Variants in PTPRK observed in about 807,000 individuals in gnomAD.
PTPRK encodes receptor-type tyrosine-protein phosphatase kappa.
PTPRK carries 75 observed loss-of-function variants against 178.0 expected under a neutral mutation model. The ratio of observed to expected loss-of-function variants is 0.42; its 90% CI spans 0.35 to 0.51. PTPRK has a LOEUF of 0.51. Among genes scored for constraint, PTPRK ranks in the 20% least tolerant of loss-of-function variants. The pLI, the probability that PTPRK is intolerant of heterozygous loss-of-function variation, is 0.02. For missense variants in PTPRK, 1,441 were observed against 1,797.8 expected, an observed-to-expected ratio of 0.80 and a Z score of 3.59; for synonymous variants, 637 against 620.6, an observed-to-expected ratio of 1.03 and a Z score of -0.39.
chr6:128,140,582 A>T (rs776195232), intron 7 of PTPRK, among the ~76,000 whole-genome samples: 16 of 151,814 alleles, frequency 1.1e-4, no homozygotes, highest in Non-Finnish European at 1.8e-4. Flanking sequence ...TTATAGAAAA[A>T]TTTTTTTTCA....
chr6:128,351,377 T>A (rs985697226), intron 2 of PTPRK, among the ~76,000 whole-genome samples: 2 of 152,044 alleles, frequency 1.3e-5, no homozygotes, highest in African/African-American at 4.8e-5. Flanking sequence ...AGAGAGAAAA[T>A]CATCACTATA....
intron 2 of PTPRK, among the ~76,000 whole-genome samples, chr6:128,386,807 C>A (rs1478268185): frequency 1.3e-5 from 2 of 152,188 alleles, no homozygotes; most frequent in East Asian, 3.9e-4. Context: ...GTGGCTCATG[C>A]CTGTAATCCC....
chr6:128,231,248 T>C lies in PTPRK; in HGVS notation c.693+8787A>G, dbSNP rs182873582. ...AAGAAGATAATGCTGTGAATTAGAA[T>C]ATACCAATGGCCCAATGAAAAGCAG... On this transcript the variant is annotated intron_variant, in intron 5 of 29. Transcript: ENST00000368226. Among the ~76,000 whole-genome samples the C allele has an allele frequency of 5.9e-5, 9 of 152,276 alleles. No individual in the cohort carries two copies. In the East Asian group the frequency reaches 1.7e-3, roughly 29 times the overall value.
At chr6:128,208,018 G>T (rs989615493) in intron 6 of PTPRK, among the ~76,000 whole-genome samples, 37 of 151,768 alleles carry the variant, frequency 2.4e-4, no homozygotes, top group African/African-American at 8.5e-4. Context: ...TTTAATATAT[G>T]GCTTCTCTGA....
chr6:128,472,431 CT>C (rs1340862129), intron 1 of PTPRK, among the ~76,000 whole-genome samples: 1 of 130,900 alleles, frequency 7.6e-6, no homozygotes, highest in Non-Finnish European at 1.6e-5. Context: ...CCCCCCCCCC[CT>C]TTAGCTTAGG....
At chr6:128,327,297 GTA>G (rs1829709939) in intron 2 of PTPRK, among the ~76,000 whole-genome samples, 1 of 152,020 alleles carries the variant, frequency 6.6e-6, no homozygotes, top group African/African-American at 2.4e-5. Context: ...CTTTATATAT[GTA>G]TGTGTTGGTA....
intron 6 of PTPRK, among the ~76,000 whole-genome samples, chr6:128,186,362 T>C (rs1276637226): frequency 6.6e-6 from 1 of 152,106 alleles, no homozygotes; most frequent in Non-Finnish European, 1.5e-5. Context: ...TAATTATTTG[T>C]AGAACCACAT....
intron 2 of PTPRK, among the ~76,000 whole-genome samples, chr6:128,397,185 C>T (rs1405516986): frequency 6.6e-6 from 1 of 152,128 alleles, no homozygotes; most frequent in African/African-American, 2.4e-5. Context: ...TCCCTTCAGT[C>T]TGATTGGATC....
chr6:128,217,074 G>A (rs1007031553), intron 6 of PTPRK, among the ~76,000 whole-genome samples: 2 of 152,150 alleles, frequency 1.3e-5, no homozygotes, highest in Non-Finnish European at 2.9e-5. Context: ...CCACGTTCCT[G>A]TAGCCATAGC....
At chr6:128,111,538 T>C (rs1447943080) in intron 7 of PTPRK, among the ~76,000 whole-genome samples, 1 of 152,212 alleles carries the variant, frequency 6.6e-6, no homozygotes. Flanking sequence ...TACATCATTT[T>C]TCTGATATGA....
At chr6:128,000,296 T>C (rs778124394) in intron 15 of PTPRK, 1 of 1,299,590 alleles carries the variant, frequency 7.7e-7, no homozygotes. Flanking sequence ...TAGCAAAAAA[T>C]GAATTGTTGT....
chr6:128,008,217 CTAGA>C (rs1778650358), intron 14 of PTPRK: 3 of 394,632 alleles, frequency 7.6e-6, no homozygotes, highest in Non-Finnish European at 1.3e-5. Flanking sequence ...TAATAGTAAA[CTAGA>C]TAATTTAATG....
intron 13 of PTPRK, among the ~76,000 whole-genome samples, chr6:128,034,788 A>G (rs1017622398): frequency 2.0e-5 from 3 of 152,208 alleles, no homozygotes; most frequent in Non-Finnish European, 4.4e-5. Flanking sequence ...TGAAACATCA[A>G]TTGGTGTTAT....
At chr6:128,422,854 A>C (rs1479441321) in intron 1 of PTPRK, among the ~76,000 whole-genome samples, 3 of 152,158 alleles carry the variant, frequency 2.0e-5, no homozygotes, top group Admixed American at 6.5e-5. Context: ...TATGTGGTTC[A>C]AACTCAAAAT....
intron 11 of PTPRK, among the ~76,000 whole-genome samples, chr6:128,074,014 G>T (rs1237990706): frequency 6.6e-6 from 1 of 151,984 alleles, no homozygotes; most frequent in Non-Finnish European, 1.5e-5. Context: ...AGATTTTAAA[G>T]CTATGCAACC....
intron 11 of PTPRK, among the ~76,000 whole-genome samples, chr6:128,075,455 T>G (rs546246371): frequency 6.6e-6 from 1 of 152,022 alleles, no homozygotes. Flanking sequence ...TATCTGCAAT[T>G]CGTAAATGCA....
chr6:128,133,218 A>C (rs1794521410), intron 7 of PTPRK, among the ~76,000 whole-genome samples: 1 of 152,250 alleles, frequency 6.6e-6, no homozygotes, highest in African/African-American at 2.4e-5. Context: ...AGTTTAGACA[A>C]GATGAATAGA....
intron 21 of PTPRK, among the ~76,000 whole-genome samples, chr6:127,989,312 AT>A (rs1367100419): frequency 9.9e-5 from 15 of 151,954 alleles, no homozygotes; most frequent in African/African-American, 3.6e-4. Flanking sequence ...ATTCTACTTG[AT>A]TTGTCTAAGA....
intron 3 of PTPRK, among the ~76,000 whole-genome samples, chr6:128,277,069 G>C (rs1820829582): frequency 6.6e-6 from 1 of 151,528 alleles, no homozygotes; most frequent in Non-Finnish European, 1.5e-5. Flanking sequence ...AGTGACCTCT[G>C]CCTGAAGAAT....
Sources: allele counts gnomAD v4.1 joint callset (sites outside exome capture counted in the v4.1 genomes callset), GRCh38; gene constraint gnomAD v4.1.1; transcripts MANE v1.5; gene names NCBI Gene and HGNC (gene_info 2026-07-23, HGNC 2026-07-21).